The following GNA14 variants were observed in gnomAD, a reference collection of about 807,000 sequenced individuals.
The protein encoded by GNA14 is guanine nucleotide-binding protein subunit alpha-14.
GNA14 carries 50 observed loss-of-function variants against 42.0 expected under a neutral mutation model. That is an observed-to-expected ratio of 1.19 (90% CI 0.95 to 1.51). The LOEUF (loss-of-function observed/expected upper bound fraction) is 1.51. GNA14 is among the 40% of genes most tolerant of loss of function. The pLI is 0.00. For missense variants in GNA14, 473 were observed against 446.2 expected (o/e 1.06, Z -0.54); for synonymous variants, 173 against 163.1 (o/e 1.06, Z -0.46).
chr9:77,470,837 G>A (rs1276957773), intron 2 of GNA14, among the ~76,000 whole-genome samples: 1 of 152,122 alleles, frequency 6.6e-6, no homozygotes, highest in Non-Finnish European at 1.5e-5. Flanking sequence ...ATGGCAGCAG[G>A]AGAGAAAGAG....
intron 2 of GNA14, among the ~76,000 whole-genome samples, chr9:77,445,250 C>T (rs1835796864): frequency 6.6e-6 from 1 of 152,186 alleles, no homozygotes; most frequent in Admixed American, 6.5e-5. Flanking sequence ...GCCTTTGCTA[C>T]ATCGCATTTC....
intron 4 of GNA14, among the ~76,000 whole-genome samples, chr9:77,430,344 A>AG (rs1383779087): frequency 1.3e-5 from 2 of 152,230 alleles, no homozygotes; most frequent in Non-Finnish European, 2.9e-5. Context: ...CAGTCCAAGA[A>AG]GGATAAACTT....
At chr9:77,470,659 T>A (rs1020134957) in intron 2 of GNA14, among the ~76,000 whole-genome samples, 3 of 152,082 alleles carry the variant, frequency 2.0e-5, no homozygotes, top group Admixed American at 6.6e-5. Flanking sequence ...AAAGAGAAGG[T>A]CACTGTTCTC....
chr9:77,432,784 T>C (rs566717826), intron 3 of GNA14, among the ~76,000 whole-genome samples: 2 of 152,182 alleles, frequency 1.3e-5, no homozygotes, highest in Admixed American at 1.3e-4. Context: ...GTGGATCTTT[T>C]CCAAATGGAT....
chr9:77,611,866 C>T (rs982239024), intron 1 of GNA14, among the ~76,000 whole-genome samples: 2 of 152,146 alleles, frequency 1.3e-5, no homozygotes, highest in Admixed American at 6.5e-5. Context: ...TCTACACTGA[C>T]TTACCATTGT....
intron 2 of GNA14, among the ~76,000 whole-genome samples, chr9:77,447,027 A>T (rs1054031719): frequency 5.9e-5 from 9 of 151,412 alleles, no homozygotes; most frequent in Non-Finnish European, 1.2e-4. Context: ...GCAATGGCAC[A>T]ATCTCGGCTC....
chr9:77,457,672 T>C (rs1293223758), intron 2 of GNA14, among the ~76,000 whole-genome samples: 2 of 152,192 alleles, frequency 1.3e-5, no homozygotes, highest in African/African-American at 4.8e-5. Flanking sequence ...GACATGCCTT[T>C]TACTTCATAA....
At chr9:77,506,495 G>A (rs1007154307) in intron 2 of GNA14, among the ~76,000 whole-genome samples, 1 of 151,896 alleles carries the variant, frequency 6.6e-6, no homozygotes, top group Non-Finnish European at 1.5e-5. Flanking sequence ...TGGCCAGTGT[G>A]GTGAAACCAC....
At chr9:77,629,551 T>C (rs970585333) in intron 1 of GNA14, among the ~76,000 whole-genome samples, 3 of 152,142 alleles carry the variant, frequency 2.0e-5, no homozygotes, top group Non-Finnish European at 4.4e-5. Context: ...TATGTAGCCA[T>C]AAAAAGGATC....
intron 2 of GNA14, among the ~76,000 whole-genome samples, chr9:77,472,822 C>T (rs1358841681): frequency 2.6e-5 from 4 of 151,180 alleles, no homozygotes; most frequent in Non-Finnish European, 2.9e-5. Flanking sequence ...CTCTCTCCTC[C>T]AAGCCCACAC....
At chr9:77,446,011 A>G (rs7024412) in intron 2 of GNA14, among the ~76,000 whole-genome samples, 21,394 of 152,248 alleles carry the variant, frequency 0.14, 1,757 homozygotes, top group East Asian at 0.36. Context: ...TGGGAGGACG[A>G]CAGGGTTTAC....
intron 2 of GNA14, among the ~76,000 whole-genome samples, chr9:77,510,633 T>C (rs912201984): frequency 6.6e-6 from 1 of 152,250 alleles, no homozygotes; most frequent in Non-Finnish European, 1.5e-5. Context: ...ATGGGTACTG[T>C]GGCAGTTAGG....
At chr9:77,630,685 G>A (rs1824084041) in intron 1 of GNA14, among the ~76,000 whole-genome samples, 1 of 152,050 alleles carries the variant, frequency 6.6e-6, no homozygotes, top group Non-Finnish European at 1.5e-5. Context: ...AAATTAAAAT[G>A]AGCATTAAAG....
At chr9:77,503,355 G>A (rs191336234) in intron 2 of GNA14, among the ~76,000 whole-genome samples, 1 of 152,140 alleles carries the variant, frequency 6.6e-6, no homozygotes, top group African/African-American at 2.4e-5. Context: ...GATGTAAAAG[G>A]TAAAGATCCT....
intron 1 of GNA14, among the ~76,000 whole-genome samples, chr9:77,602,937 T>C (rs2117921139): frequency 6.6e-6 from 1 of 152,334 alleles, no homozygotes; most frequent in South Asian, 2.1e-4. Flanking sequence ...GTATGTAGCC[T>C]GTACTGTACA....
intron 1 of GNA14, among the ~76,000 whole-genome samples, chr9:77,552,126 C>CAAAAAAAA (rs34493872): frequency 5.9e-5 from 5 of 85,080 alleles, no homozygotes; most frequent in African/African-American, 8.6e-5. Context: ...AACTCCATCT[C>CAAAAAAAA]AAAAAAAAAA....
At chr9:77,551,793 G>A (rs1837790013) in intron 1 of GNA14, among the ~76,000 whole-genome samples, 1 of 151,968 alleles carries the variant, frequency 6.6e-6, no homozygotes, top group Admixed American at 6.6e-5. Flanking sequence ...TCATTTGGTA[G>A]AAATCATCTT....
intron 2 of GNA14, among the ~76,000 whole-genome samples, chr9:77,435,866 G>A (rs1341488175): frequency 6.6e-6 from 1 of 152,128 alleles, no homozygotes; most frequent in African/African-American, 2.4e-5. Context: ...CCTGGCAAGA[G>A]AAGCAGGACC....
intron 2 of GNA14, among the ~76,000 whole-genome samples, chr9:77,514,797 T>C (rs911652839): frequency 6.6e-6 from 1 of 152,062 alleles, no homozygotes; most frequent in Non-Finnish European, 1.5e-5. Flanking sequence ...GTATTTTTAG[T>C]GGAGACGGGG....
Sources: gnomAD v4.1 joint callset for allele counts (sites outside exome capture counted in the v4.1 genomes callset) on GRCh38, gnomAD v4.1.1 for gene constraint, MANE v1.5 for transcripts, NCBI Gene and HGNC (gene_info 2026-07-23, HGNC 2026-07-21) for gene names.